Variants in PFKP observed in about 807,000 individuals in gnomAD.
PFKP encodes phosphofructokinase, platelet.
A neutral mutation model predicts 94.3 loss-of-function variants in PFKP; 101 were observed. That is an observed-to-expected ratio of 1.07 (90% CI 0.91 to 1.26). PFKP has a LOEUF of 1.26. PFKP is among the 50% of genes most tolerant of loss of function. The probability of loss-of-function intolerance (pLI) is 0.00; values close to 1 mark genes in which losing one functional copy is unlikely to be tolerated. For synonymous variants in PFKP, 573 were observed against 432.6 expected (o/e 1.32, Z -4.03); for missense variants, 1,145 against 1,103.3 (o/e 1.04, Z -0.53).
At chr10:3,088,102 C>G (rs1314383083) in intron 2 of PFKP, among the ~76,000 whole-genome samples, 14 of 139,156 alleles carry the variant, frequency 1.0e-4, no homozygotes, top group African/African-American at 3.6e-4. Flanking sequence ...CCCATTAACT[C>G]GTCATTTACA....
At chr10:3,119,004 T>C (rs1837118738) in intron 15 of PFKP, 135 bp downstream of exon 15, 1 of 635,894 alleles carries the variant, frequency 1.6e-6, no homozygotes. Flanking sequence ...CACTGGAGAA[T>C]TGTAGAACAG....
At chr10:3,083,729 G>A (rs886589443) in intron 2 of PFKP, among the ~76,000 whole-genome samples, 7 of 152,078 alleles carry the variant, frequency 4.6e-5, no homozygotes, top group South Asian at 2.1e-4. Flanking sequence ...TGCAACCTCC[G>A]CCTCCCAGAT....
At chr10:3,072,498 T>G (rs1031547865) in intron 1 of PFKP, among the ~76,000 whole-genome samples, 7 of 152,134 alleles carry the variant, frequency 4.6e-5, no homozygotes, top group Non-Finnish European at 1.0e-4. Context: ...AGTGCAGTAA[T>G]TAATTTTGCA....
At chr10:3,100,365 T>G (rs573958674) in intron 3 of PFKP, among the ~76,000 whole-genome samples, 1 of 152,220 alleles carries the variant, frequency 6.6e-6, no homozygotes, top group African/African-American at 2.4e-5. Flanking sequence ...CGTAGGATCG[T>G]GTGGAGTGAA....
At position 3,089,001 on chromosome 10, in the gene PFKP, C is replaced by T. The variant is rs143849013; in HGVS notation, c.186+6540C>T. The stretch of plus-strand genomic sequence containing the variant: ...GGCTGGAGTGCAATGGCCCAGTCTT[C>T]GCTCACTGCAACCTCTGCCTCCCGG... On this transcript the variant is annotated intron_variant, in intron 2 of 21. Coordinates refer to ENST00000381125, the MANE Select transcript of PFKP (RefSeq NM_002627.5). Among the ~76,000 whole-genome samples the T allele has an allele frequency of 3.0e-3, 462 of 152,118 alleles. 4 individuals are homozygous for T. The highest frequency in any genetic ancestry group is 0.01 in the African/African-American group (434 of 41,494).
intron 1 of PFKP, among the ~76,000 whole-genome samples, chr10:3,080,638 A>G (rs972154913): frequency 6.6e-6 from 1 of 152,058 alleles, no homozygotes; most frequent in Admixed American, 6.6e-5. Flanking sequence ...ACAGCAAGGC[A>G]CCGTCCCCAT....
chr10:3,103,027 C>T (rs543323609), intron 4 of PFKP, among the ~76,000 whole-genome samples: 2 of 152,342 alleles, frequency 1.3e-5, no homozygotes, highest in South Asian at 4.1e-4. Flanking sequence ...CCAGGTCTGT[C>T]CTGAGTGCGA....
chr10:3,096,929 T>C lies in PFKP; in HGVS notation c.187-2346T>C, dbSNP rs1391995260. Among the ~76,000 whole-genome samples, 4 of 121,136 alleles carry C rather than the reference T, an allele frequency of 3.3e-5. 1 individual carries two copies. The highest frequency in any genetic ancestry group is 7.2e-5 in the Non-Finnish European group (4 of 55,656). 79.5% of individuals were successfully genotyped at this position (121,136 alleles called of 152,430 possible). ...CCGTCTCTACTAAAAATACAAAAAA[T>C]TAGCCGGGCGTGGTGGCGGGTGCCT... On this transcript the variant is annotated intron_variant, in intron 2 of 21. Transcript: ENST00000381125.
At chr10:3,120,198 A>C (rs1487203711) in intron 16 of PFKP, among the ~76,000 whole-genome samples, 154 bp downstream of exon 16, 1 of 152,142 alleles carries the variant, frequency 6.6e-6, no homozygotes, top group Non-Finnish European at 1.5e-5. Context: ...AGTATGTTTT[A>C]AGACTCTGAA....
rs966454904 is a variant in PFKP, at chr10:3,105,239, A to G, written c.665+80A>G. The G allele has an allele frequency of 4.2e-6, 6 of 1,413,772 alleles. No homozygotes were observed. The African/African-American group carries it at 8.5e-5, about 20-fold the overall frequency. The allele number at this position is 1,413,772 out of a possible 1,614,324, so 87.6% of individuals were successfully genotyped here. ...TCATCTCCCTGAGGCTGCACCCCAC[A>G]TCCTGAATGCTCCCGTGGAAAGTCC... On this transcript the variant is annotated intron_variant, in intron 6 of 21. Coordinates refer to ENST00000381125, the MANE Select transcript of PFKP (RefSeq NM_002627.5).
At chr10:3,082,635 T>G (rs1833177764) in intron 2 of PFKP, among the ~76,000 whole-genome samples, 174 bp downstream of exon 2, 1 of 152,244 alleles carries the variant, frequency 6.6e-6, no homozygotes, top group Non-Finnish European at 1.5e-5. Context: ...GCCCCTGGTC[T>G]GCAGGGACAG....
At chr10:3,107,172 C>A in intron 7 of PFKP, 42 bp from the exon 8 acceptor site, 1 of 1,215,698 alleles carries the variant, frequency 8.2e-7, no homozygotes, top group Non-Finnish European at 1.2e-6. Flanking sequence ...TTGCTAAGAA[C>A]AGGATTAGGA....
chr10:3,119,147 G>A (rs919520160), intron 15 of PFKP, among the ~76,000 whole-genome samples: 1 of 152,146 alleles, frequency 6.6e-6, no homozygotes, highest in African/African-American at 2.4e-5. Flanking sequence ...TTTCAGGCCT[G>A]TGGAAGTAAT....
intron 7 of PFKP, among the ~76,000 whole-genome samples, chr10:3,106,341 A>G (rs1228401657): frequency 2.0e-4 from 1 of 5,110 alleles, no homozygotes; most frequent in South Asian, 0.013. Context: ...GGCAGAAAGC[A>G]TGGCGTGCAC....
chr10:3,082,991 G>A (rs1248696437), intron 2 of PFKP, among the ~76,000 whole-genome samples: 1 of 152,172 alleles, frequency 6.6e-6, no homozygotes, highest in African/African-American at 2.4e-5. Context: ...TATTACAGGT[G>A]TGAGCCACTG....
chr10:3,081,043 T>G (rs1053170911), intron 1 of PFKP, among the ~76,000 whole-genome samples: 2 of 152,228 alleles, frequency 1.3e-5, no homozygotes, highest in African/African-American at 4.8e-5. Context: ...TCGAATTCTT[T>G]GTGTTATAAG....
rs891346537 is a variant in PFKP, at chr10:3,103,782, A to G, written c.458A>G (p.Gln153Arg). 1.2e-6 allele frequency: 2 copies of G among 1,613,744 alleles called. No individual in the cohort carries two copies. Among genetic ancestry groups the G allele is most frequent in the East Asian group, 4.5e-5 (2 of 44,902 alleles). Residue 153 changes from glutamine to arginine, a missense_variant, in exon 5 of 22, where the codon CAG becomes CGG. Around this residue, in one of 3 missense-constraint regions of PFKP, gnomAD observed 1,119 missense variants for 1,062.8 expected, o/e 1.05. Coordinates refer to ENST00000381125, the MANE Select transcript of PFKP (RefSeq NM_002627.5). ...GTGCTGTTTGCTCCCCGCGCAGGCCAGATCGATAAGGAGGCCGTGCAGAAG... is the reference window on the plus strand; with the variant it reads ...GTGCTGTTTGCTCCCCGCGCAGGCCGGATCGATAAGGAGGCCGTGCAGAAG... ...GLLEELARNG[Q>R]IDKEAVQKYA...
chr10:3,116,936 T>C (rs1588518501), intron 14 of PFKP, 90 bp downstream of exon 14: 2 of 1,039,954 alleles, frequency 1.9e-6, no homozygotes, highest in East Asian at 4.7e-5. Context: ...CCGACGCCAG[T>C]TGGATTCCTG....
Position 3,068,062 on chromosome 10 carries a change from C to T in PFKP, c.112+355C>T, listed in dbSNP as rs546849083. 2.6e-5 allele frequency among the ~76,000 whole-genome samples: 4 copies of T among 152,288 alleles called. No homozygotes were observed. In the South Asian group the frequency reaches 8.3e-4, roughly 32 times the overall value. On this transcript the variant is annotated intron_variant, in intron 1 of 21. Coordinates refer to ENST00000381125, the MANE Select transcript of PFKP (RefSeq NM_002627.5). ...CGGTTTTGTTTTAAATGGAACCTGG[C>T]AGAGGGAGTCGCCTGAAGCGCCCTC... is the stretch of plus-strand genomic sequence containing the variant.
Sources: allele counts gnomAD v4.1 joint callset (sites outside exome capture counted in the v4.1 genomes callset), GRCh38; gene constraint gnomAD v4.1.1; regional missense constraint gnomAD v4.1.1; transcripts MANE v1.5; gene names NCBI Gene and HGNC (gene_info 2026-07-23, HGNC 2026-07-21).